The following IFNG variants were observed in gnomAD, a reference collection of about 807,000 sequenced individuals.
IFNG encodes IFN-gamma.
Under a neutral mutation model 14.4 loss-of-function variants are expected in IFNG, and 8 were observed. The ratio of observed to expected loss-of-function variants is 0.56; its 90% confidence interval spans 0.33 to 1.00. The LOEUF is 1.00. Ranked by LOEUF, IFNG falls within the 50% of genes least tolerant of loss-of-function variation. IFNG has a pLI of 0.03. For synonymous variants in IFNG, 73 were observed against 65.4 expected, an observed-to-expected ratio of 1.12 and a Z score of -0.56; for missense variants, 132 against 194.9, an observed-to-expected ratio of 0.68 and a Z score of 1.92.
chr12:68,157,777 G>C (rs953444948), intron 3 of IFNG, 136 bp downstream of exon 3: 14 of 624,960 alleles, frequency 2.2e-5, no homozygotes, highest in Non-Finnish European at 3.8e-5. Flanking sequence ...AATGGAAATA[G>C]TAAGGTAGAG....
At position 68,157,924 on chromosome 12, in the gene IFNG, T is replaced by C; in HGVS notation, c.355A>G (p.Thr119Ala). 1.3e-6 allele frequency: 2 copies of C among 1,595,738 alleles called. No individual in the cohort carries two copies. Among genetic ancestry groups the C allele is most frequent in the Non-Finnish European group, 1.7e-6 (2 of 1,170,346 alleles). ...KKKRDDFEKL[T>A]NYSVTDLNVQ... ...TTAAATAGCCTCACCGAATAATTAG[T>C]CAGCTTTTCGAAGTCATCTCGTTTC... The change falls in exon 3 of 4, where the codon ACT (threonine) becomes GCT (alanine). Residue 119 changes from threonine to alanine, a missense_variant. Transcript: ENST00000229135.
At chr12:68,159,427 A>G (rs1882652795) in intron 1 of IFNG, 75 bp downstream of exon 1, 1 of 703,728 alleles carries the variant, frequency 1.4e-6, no homozygotes, top group Non-Finnish European at 2.5e-6. Flanking sequence ...ATGACAGCCT[A>G]TCAGAGATGC....
At position 68,158,000 on chromosome 12, in the gene IFNG, C is replaced by T. The variant is rs1200240420; in HGVS notation, c.279G>A (p.Val93=). 8.1e-6 allele frequency: 13 copies of T among 1,611,292 alleles called. No homozygotes were observed. The highest frequency in any genetic ancestry group is 1.0e-5 in the Non-Finnish European group (12 of 1,178,230). ...CATTCATGTCTTCCTTGATGGTCTC[C>T]ACACTCTTTTGGATGCTCTGGTCAT... ...FKDDQSIQKS[V]ETIKEDMNVK... The change falls in exon 3 of 4, where the codon GTG becomes GTA. Residue 93 remains valine (V), a synonymous_variant. Transcript: ENST00000229135.
At chr12:68,159,440 C>T (rs1240209163) in intron 1 of IFNG, 62 bp downstream of exon 1, 1 of 773,858 alleles carries the variant, frequency 1.3e-6, no homozygotes, top group Non-Finnish European at 2.2e-6. Context: ...AGAGATGCTA[C>T]AGCAAGTCGA....
intron 3 of IFNG, among the ~76,000 whole-genome samples, chr12:68,156,847 T>G (rs576745144): frequency 8.5e-5 from 13 of 152,234 alleles, no homozygotes; most frequent in South Asian, 8.3e-4. Context: ...TGTTGCCATG[T>G]CTCTCCTTTC....
rs948681064 is a variant in IFNG, at chr12:68,159,710, A to G, written c.-95T>C. ...GGACTTAACTGATCTTTCTCTTCTA[A>G]TAGCTGATCTTCAGATGATCAGAAC... is the stretch of plus-strand genomic sequence containing the variant. On this transcript the variant is annotated 5_prime_UTR_variant, in exon 1 of 4. Transcript: ENST00000229135. 4.9e-6 allele frequency: 3 copies of G among 616,772 alleles called. No homozygotes were observed. The highest frequency in any genetic ancestry group is 9.0e-6 in the Non-Finnish European group (3 of 334,398). The allele number at this position is 616,772 out of a possible 1,614,324, so 38.2% of individuals were successfully genotyped here.
At chr12:68,156,413 G>A (rs1463822210) in intron 3 of IFNG, among the ~76,000 whole-genome samples, 3 of 148,736 alleles carry the variant, frequency 2.0e-5, no homozygotes, top group Admixed American at 1.4e-4. Flanking sequence ...TCTTGGCTCT[G>A]CCATTACATT....
chr12:68,156,041 G>A (rs1409550689), intron 3 of IFNG, among the ~76,000 whole-genome samples: 1 of 152,168 alleles, frequency 6.6e-6, no homozygotes, highest in East Asian at 1.9e-4. Flanking sequence ...TGAAGTGGAA[G>A]GACTGTGCCC....
Position 68,155,280 on chromosome 12 carries a change from C to T in IFNG, c.*73G>A. 2.7e-5 allele frequency: 28 copies of T among 1,051,476 alleles called. No homozygotes were observed. The highest frequency in any genetic ancestry group is 2.5e-4 in the Middle Eastern group (1 of 4,006). 65.1% of individuals were successfully genotyped at this position (1,051,476 alleles called of 1,614,324 possible). A position where few individuals can be genotyped will look rare whatever the true frequency, so the allele number is the denominator to read the frequency against. On this transcript the variant is annotated 3_prime_UTR_variant, in exon 4 of 4. Coordinates refer to ENST00000229135, the MANE Select transcript of IFNG (RefSeq NM_000619.3). ...GATTGATGAGTCTAAAAATATATTC[C>T]CCATATAAATAATGTTAAATATTAA...
intron 3 of IFNG, among the ~76,000 whole-genome samples, chr12:68,156,324 T>C (rs1339545085): frequency 6.6e-6 from 1 of 152,218 alleles, no homozygotes; most frequent in East Asian, 1.9e-4. Flanking sequence ...GCAAGCAAAT[T>C]GAACTACTTG....
Position 68,158,053 on chromosome 12 carries a change from A to G in IFNG, c.226T>C (p.Tyr76His). The change falls in exon 3 of 4, where the codon TAC becomes CAC. Residue 76 changes from tyrosine (Y) to histidine (H), a missense_variant. By Grantham distance (83) the Tyr-to-His change is moderately conservative. Coordinates refer to ENST00000229135, the MANE Select transcript of IFNG (RefSeq NM_000619.3). ...TTAAAGTTTTTAAAAAGTTTGAAGT[A>G]AAAGGAGACAATTTGGCTCTGCATT... ...KIMQSQIVSF[Y>H]FKLFKNFKDD... The G allele has an allele frequency of 6.2e-7, 1 of 1,608,016 alleles. No homozygotes were observed. The highest frequency in any genetic ancestry group is 8.5e-7 in the Non-Finnish European group (1 of 1,176,362).
chr12:68,158,476 A>G (rs1228612893), intron 1 of IFNG, among the ~76,000 whole-genome samples: 4 of 152,184 alleles, frequency 2.6e-5, no homozygotes, highest in Non-Finnish European at 4.4e-5. Context: ...CAATATAACC[A>G]TTAAATTGCA....
At chr12:68,158,804 C>T (rs1445390194) in intron 1 of IFNG, among the ~76,000 whole-genome samples, 1 of 151,468 alleles carries the variant, frequency 6.6e-6, no homozygotes, top group Non-Finnish European at 1.5e-5. Context: ...ATTATGACAG[C>T]TATAATTATA....
rs1882632722 is a variant in IFNG at position 68,158,275 on chromosome 12, GA to G, written c.115-17del. 4 of 1,318,768 alleles carry G rather than the reference GA, an allele frequency of 3.0e-6. No homozygotes were observed. The South Asian group carries it at 5.5e-5, about 18-fold the overall frequency. The allele number at this position is 1,318,768 out of a possible 1,614,324, so 81.7% of individuals were successfully genotyped here. The stretch of plus-strand genomic sequence containing the variant: ...GACCTGCATTCTAAAAAAAAAAAAA[GA>G]AAAAATTGGTTTACAATTAGCCCAT... On this transcript the variant is annotated splice_polypyrimidine_tract_variant and intron_variant, in intron 1 of 3. Coordinates refer to ENST00000229135, the MANE Select transcript of IFNG (RefSeq NM_000619.3).
chr12:68,158,077 T>A lies in IFNG; in HGVS notation c.202A>T (p.Met68Leu). The change falls in exon 3 of 4, where the codon ATG (methionine) becomes TTG (leucine). Residue 68 changes from methionine (M) to leucine (L), a missense_variant. Coordinates refer to ENST00000229135, the MANE Select transcript of IFNG (RefSeq NM_000619.3). ...TAAAAGGAGACAATTTGGCTCTGCA[T>A]TATTTTTCTGTCACTCTCCTTGGAA... The part of the protein sequence containing the change: ...NWKEESDRKI[M>L]QSQIVSFYFK... 6.2e-7 allele frequency: 1 copy of A among 1,601,738 alleles called. No homozygotes were observed. The highest frequency in any genetic ancestry group is 8.5e-7 in the Non-Finnish European group (1 of 1,173,442).
chr12:68,159,411 C>T (rs1002969164), intron 1 of IFNG, 91 bp downstream of exon 1: 7 of 631,494 alleles, frequency 1.1e-5, no homozygotes, highest in Non-Finnish European at 2.0e-5. Flanking sequence ...TGACTGCCTA[C>T]AAGAGATGAC....
intron 3 of IFNG, 138 bp downstream of exon 3, chr12:68,157,775 T>C: frequency 3.3e-6 from 2 of 615,382 alleles, no homozygotes; most frequent in South Asian, 5.4e-5. Context: ...CGAATGGAAA[T>C]AGTAAGGTAG....
chr12:68,157,629 C>T lies in IFNG; in HGVS notation c.366+284G>A, dbSNP rs1861494. 0.75 allele frequency among the ~76,000 whole-genome samples: 113,412 copies of T among 152,088 alleles called. 42,856 individuals carry two copies. Among genetic ancestry groups the T allele is most frequent in the Middle Eastern group, 0.93 (273 of 294 alleles). ...GAGAGAACTGCTTCTCAGTACTCCC[C>T]GCTTCTTCCTCACCTACTTCCTCTT... is the stretch of plus-strand genomic sequence containing the variant. On this transcript the variant is annotated intron_variant, in intron 3 of 3. Transcript: ENST00000229135.
intron 1 of IFNG, 127 bp from the exon 2 acceptor site, chr12:68,158,386 G>C: frequency 1.6e-6 from 1 of 640,220 alleles, no homozygotes; most frequent in Non-Finnish European, 2.6e-6. Flanking sequence ...CTTCTGCTTA[G>C]TTCTAACAAT....
Sources: allele counts gnomAD v4.1 joint callset (sites outside exome capture counted in the v4.1 genomes callset), GRCh38; gene constraint gnomAD v4.1.1; transcripts MANE v1.5; gene names NCBI Gene and HGNC (gene_info 2026-07-23, HGNC 2026-07-21).